Variants in NT5M observed in about 807,000 individuals in gnomAD.
The protein encoded by NT5M is 5',3'-nucleotidase, mitochondrial.
NT5M carries 22 observed loss-of-function variants against 22.2 expected under a neutral mutation model. The observed-to-expected ratio is 0.99, with a 90% CI of 0.71 to 1.41. The LOEUF (loss-of-function observed/expected upper bound fraction) is 1.41. NT5M is among the 40% of genes most tolerant of loss of function. The probability of loss-of-function intolerance (pLI) is 0.00; values close to 1 mark genes in which losing one functional copy is unlikely to be tolerated. For missense variants in NT5M, 322 were observed against 314.8 expected (o/e 1.02, Z -0.17); for synonymous variants, 167 against 133.0 (o/e 1.26, Z -1.76).
chr17:17,321,912 G>A (rs2049159598), intron 2 of NT5M, among the ~76,000 whole-genome samples: 1 of 151,946 alleles, frequency 6.6e-6, no homozygotes, highest in African/African-American at 2.4e-5. Flanking sequence ...TGGCCAGGGA[G>A]GCAAAGCCTG....
intron 3 of NT5M, among the ~76,000 whole-genome samples, chr17:17,328,316 A>G (rs2049304062): frequency 1.3e-5 from 2 of 152,136 alleles, no homozygotes; most frequent in South Asian, 4.1e-4. Context: ...GGATTAGTTT[A>G]TCCAAATCTC....
At chr17:17,312,833 C>T (rs1312438951) in intron 2 of NT5M, among the ~76,000 whole-genome samples, 3 of 151,808 alleles carry the variant, frequency 2.0e-5, no homozygotes, top group Non-Finnish European at 2.9e-5. Context: ...AGAAGCCAGG[C>T]ATGCTGACCT....
At chr17:17,340,809 C>T (rs1271454996) in intron 3 of NT5M, among the ~76,000 whole-genome samples, 3 of 152,120 alleles carry the variant, frequency 2.0e-5, no homozygotes, top group Non-Finnish European at 2.9e-5. Context: ...ACAGTGTGAG[C>T]CACCGCGCCC....
rs1382559193 is a variant in NT5M, at chr17:17,330,644, G to A, written c.429+7399G>A. On this transcript the variant is annotated intron_variant, in intron 3 of 4. Transcript: ENST00000389022. ...ATCTGCCTCAGCCCCGCAAAGTGCTGGGATTACAGGTGTGAGCCACCGCGC... is the reference window on the plus strand; with the variant it reads ...ATCTGCCTCAGCCCCGCAAAGTGCTAGGATTACAGGTGTGAGCCACCGCGC... 3.3e-5 allele frequency among the ~76,000 whole-genome samples: 5 copies of A among 151,808 alleles called. No individual in the cohort carries two copies. In the South Asian group the frequency reaches 1.0e-3, roughly 32 times the overall value.
chr17:17,325,106 G>A (rs780349477), intron 3 of NT5M, among the ~76,000 whole-genome samples: 2 of 152,198 alleles, frequency 1.3e-5, no homozygotes, highest in East Asian at 1.9e-4. Context: ...TGACGAGCCC[G>A]CCAGGTGATT....
At chr17:17,315,638 CAT>C (rs2049006567) in intron 2 of NT5M, among the ~76,000 whole-genome samples, 1 of 138,894 alleles carries the variant, frequency 7.2e-6, no homozygotes, top group East Asian at 2.6e-4. Flanking sequence ...GTCTGAGTAA[CAT>C]AAAGGAACTG....
At chr17:17,331,192 A>G (rs1276859515) in intron 3 of NT5M, among the ~76,000 whole-genome samples, 1 of 151,702 alleles carries the variant, frequency 6.6e-6, no homozygotes, top group South Asian at 2.1e-4. Context: ...CACTGCCAGC[A>G]TTCAGGAGCT....
At chr17:17,329,189 A>G (rs2049325585) in intron 3 of NT5M, among the ~76,000 whole-genome samples, 1 of 152,180 alleles carries the variant, frequency 6.6e-6, no homozygotes, top group African/African-American at 2.4e-5. Context: ...TGTGTTAGCC[A>G]GGATGGTCTC....
At position 17,345,074 on chromosome 17, in the gene NT5M, C is replaced by G. The variant is rs1339139984; in HGVS notation, c.544+166C>G. Reference sequence around the variant, plus strand: ...GAAGACAAGGCCCCCTCTGTATGGGCTGTGGCCTGGTGCTCCTGGGAGCTG... The same window carrying G: ...GAAGACAAGGCCCCCTCTGTATGGGGTGTGGCCTGGTGCTCCTGGGAGCTG... On this transcript the variant is annotated intron_variant, in intron 4 of 4. Transcript: ENST00000389022. The G allele has an allele frequency of 2.6e-6, 3 of 1,172,042 alleles. No individual in the cohort carries two copies. The African/African-American group carries it at 4.6e-5, about 18-fold the overall frequency. The allele number at this position is 1,172,042 out of a possible 1,614,324, so 72.6% of individuals were successfully genotyped here. A position where few individuals can be genotyped will look rare whatever the true frequency, so the allele number is the denominator to read the frequency against.
At chr17:17,328,608 G>A (rs922791096) in intron 3 of NT5M, among the ~76,000 whole-genome samples, 9 of 152,122 alleles carry the variant, frequency 5.9e-5, no homozygotes, top group Non-Finnish European at 7.4e-5. Flanking sequence ...CGGTAGCCCC[G>A]GTCTAGGCTT....
intron 3 of NT5M, among the ~76,000 whole-genome samples, chr17:17,343,393 G>A (rs2049689418): frequency 6.6e-6 from 1 of 152,216 alleles, no homozygotes. Flanking sequence ...CGTGGCAAGC[G>A]AGGTGGCCAC....
At chr17:17,310,502 A>G (rs891535460) in intron 2 of NT5M, among the ~76,000 whole-genome samples, 3 of 152,170 alleles carry the variant, frequency 2.0e-5, no homozygotes, top group African/African-American at 7.2e-5. Context: ...TTGAATGAAC[A>G]TTTCTTTAAA....
At chr17:17,328,253 G>T (rs2049302649) in intron 3 of NT5M, among the ~76,000 whole-genome samples, 1 of 152,158 alleles carries the variant, frequency 6.6e-6, no homozygotes, top group African/African-American at 2.4e-5. Flanking sequence ...GGTGAATTTT[G>T]TTGGCCAGTG....
chr17:17,315,318 A>G (rs1410220993), intron 2 of NT5M, among the ~76,000 whole-genome samples: 1 of 152,200 alleles, frequency 6.6e-6, no homozygotes, highest in African/African-American at 2.4e-5. Flanking sequence ...CACTGGGGAT[A>G]TATATGTAAA....
intron 2 of NT5M, among the ~76,000 whole-genome samples, chr17:17,318,566 A>G (rs981505931): frequency 6.6e-6 from 1 of 150,914 alleles, no homozygotes; most frequent in Non-Finnish European, 1.5e-5. Flanking sequence ...CGGGCGGATC[A>G]TCTGAGGTCC....
In NT5M at chr17:17,330,334, T is replaced by C. The variant is rs190635991; in HGVS notation, c.429+7089T>C. On this transcript the variant is annotated intron_variant, in intron 3 of 4. Coordinates refer to ENST00000389022, the MANE Select transcript of NT5M (RefSeq NM_020201.4). The stretch of plus-strand genomic sequence containing the variant: ...AACAAAAAAAAAACCCACTCCTTAA[T>C]TGAGCCTCTTCCTCTAACCTGAAAT... Among the ~76,000 whole-genome samples the C allele has an allele frequency of 3.1e-3, 461 of 150,276 alleles. 3 individuals are homozygous for C. Among genetic ancestry groups the C allele is most frequent in the African/African-American group, 0.011 (440 of 41,148 alleles).
chr17:17,320,569 G>A (rs1448431378), intron 2 of NT5M, among the ~76,000 whole-genome samples: 1 of 152,178 alleles, frequency 6.6e-6, no homozygotes, highest in Non-Finnish European at 1.5e-5. Context: ...GGAGAGACAC[G>A]CTTTAGGAGT....
intron 3 of NT5M, among the ~76,000 whole-genome samples, chr17:17,343,978 G>A (rs1355800037): frequency 6.6e-6 from 1 of 152,160 alleles, no homozygotes; most frequent in African/African-American, 2.4e-5. Flanking sequence ...CTGGGGTGGT[G>A]AGAGCAGCCA....
chr17:17,316,432 A>G lies in NT5M; in HGVS notation c.369-6753A>G, dbSNP rs541963411. On this transcript the variant is annotated intron_variant, in intron 2 of 4. Coordinates refer to ENST00000389022, the MANE Select transcript of NT5M (RefSeq NM_020201.4). ...CTCTTGTCATCCAGGCTGGAGTGCA[A>G]TGGCATGATCTTGGCTCGCTGCAAC... is the stretch of plus-strand genomic sequence containing the variant. Among the ~76,000 whole-genome samples the G allele has an allele frequency of 1.3e-5, 2 of 150,378 alleles. 1 individual carries two copies. The highest frequency in any genetic ancestry group is 4.2e-4 in the South Asian group (2 of 4,766).
Sources: gnomAD v4.1 joint callset for allele counts (sites outside exome capture counted in the v4.1 genomes callset) on GRCh38, gnomAD v4.1.1 for gene constraint, MANE v1.5 for transcripts, NCBI Gene and HGNC (gene_info 2026-07-23, HGNC 2026-07-21) for gene names.